The following PSG2 variants were observed in gnomAD, a reference collection of about 807,000 sequenced individuals.
PSG2 encodes the protein pregnancy-specific beta-1-glycoprotein 2.
A neutral mutation model predicts 36.2 loss-of-function variants in PSG2; 49 were observed. That is an observed-to-expected ratio of 1.35 (90% CI 1.08 to 1.72). PSG2 has a LOEUF of 1.72. Ranked by LOEUF, PSG2 falls within the 40% of genes most tolerant of loss-of-function variation. The probability of loss-of-function intolerance (pLI) is 0.00; values close to 1 mark genes in which losing one functional copy is unlikely to be tolerated. For synonymous variants in PSG2, 261 were observed against 155.6 expected, an observed-to-expected ratio of 1.68 and a Z score of -5.04; for missense variants, 605 against 407.2, an observed-to-expected ratio of 1.49 and a Z score of -4.18.
chr19:43,077,806 C>G (rs1967918739), intron 2 of PSG2, among the ~76,000 whole-genome samples: 1 of 151,750 alleles, frequency 6.6e-6, no homozygotes, highest in African/African-American at 2.4e-5. Flanking sequence ...TTTTCTTCCC[C>G]ACTCTTCTTG....
intron 4 of PSG2, among the ~76,000 whole-genome samples, chr19:43,071,130 C>G (rs547574339): frequency 6.6e-6 from 1 of 151,422 alleles, no homozygotes; most frequent in Non-Finnish European, 1.5e-5. Context: ...TAGCGAAATT[C>G]AGGACAGTCC....
chr19:43,081,397 AC>A (rs1967973482), intron 1 of PSG2, 151 bp from the exon 2 acceptor site: 21 of 1,179,414 alleles, frequency 1.8e-5, no homozygotes, highest in African/African-American at 3.6e-5. Context: ...ACACACACAC[AC>A]AAAAGGGGCA....
At chr19:43,067,653 A>T (rs1599704350) in intron 4 of PSG2, among the ~76,000 whole-genome samples, 1 of 150,470 alleles carries the variant, frequency 6.6e-6, no homozygotes, top group South Asian at 2.1e-4. Context: ...TGACAGGGGG[A>T]TCTGAGATTT....
intron 3 of PSG2, among the ~76,000 whole-genome samples, chr19:43,073,600 C>T (rs930150817): frequency 2.0e-5 from 3 of 151,622 alleles, no homozygotes; most frequent in South Asian, 2.1e-4. Flanking sequence ...TCCCTGGGTT[C>T]GACTACTCTA....
At position 43,075,400 on chromosome 19, in the gene PSG2, G is replaced by C; in HGVS notation, c.663C>G (p.Asn221Lys). Residue 221 changes from asparagine to lysine, a missense_variant, in exon 3 of 6, where the codon AAC (asparagine) becomes AAG (lysine). By Grantham distance (94) the Asn-to-Lys change is moderately conservative. Coordinates refer to ENST00000406487, the MANE Select transcript of PSG2 (RefSeq NM_031246.4). ...TAGPYECEIR[N>K]SGSASRSDPV... is the part of the protein sequence containing the mutation. Reference sequence around the variant, plus strand: ...GGTCACTGCGGCTGGCACTCCCTGAGTTCCGTATTTCACATTCATAGGGTC... The same window carrying C: ...GGTCACTGCGGCTGGCACTCCCTGACTTCCGTATTTCACATTCATAGGGTC... The C allele has an allele frequency of 6.2e-7, 1 of 1,613,138 alleles. No individual in the cohort carries two copies.
chr19:43,077,133 C>A (rs975382371), intron 2 of PSG2, among the ~76,000 whole-genome samples: 4 of 151,512 alleles, frequency 2.6e-5, no homozygotes, highest in Non-Finnish European at 5.9e-5. Context: ...ACTGATGATC[C>A]AAACATCTAA....
chr19:43,077,794 C>A lies in PSG2; in HGVS notation c.431-2162G>T, dbSNP rs189407351. 5.3e-4 allele frequency among the ~76,000 whole-genome samples: 80 copies of A among 151,930 alleles called. 1 individual carries two copies. Among genetic ancestry groups the A allele is most frequent in the Admixed American group, 5.1e-3 (78 of 15,264 alleles). On this transcript the variant is annotated intron_variant, in intron 2 of 5. Transcript: ENST00000406487. The stretch of plus-strand genomic sequence containing the variant: ...ATATGAAGTTGAATCAGTTGTTCCA[C>A]TTTTTCTTCCCCACTCTTCTTGAAC...
Position 43,075,340 on chromosome 19 carries a change from C to G in PSG2, c.709+14G>C, listed in dbSNP as rs760876253. 4 of 1,613,048 alleles carry G rather than the reference C, an allele frequency of 2.5e-6. No homozygotes were observed. The highest frequency in any genetic ancestry group is 2.2e-5 in the East Asian group (1 of 44,886). ...GATGGCAGTCTGGCCCACAGAGGAA[C>G]AGAAGATACTCACGGAGGAGATTCA... is the stretch of plus-strand genomic sequence containing the variant. On this transcript the variant is annotated intron_variant, in intron 3 of 5. Transcript: ENST00000406487.
rs200103965 is a variant in PSG2 at position 43,075,360 on chromosome 19, G to C, written c.703C>G (p.Leu235Val). 241 of 1,613,132 alleles carry C rather than the reference G, an allele frequency of 1.5e-4. 3 individuals are homozygous for C. Among genetic ancestry groups the C allele is most frequent in the Non-Finnish European group, 2.0e-4 (233 of 1,179,604 alleles). ...AGGAACAGAAGATACTCACGGAGGAGATTCAGGGTGACTGGGTCACTGCGG... is the reference window on the plus strand; with the variant it reads ...AGGAACAGAAGATACTCACGGAGGACATTCAGGGTGACTGGGTCACTGCGG... ...ASRSDPVTLN[L>V]LHGPDLPRIH... Residue 235 changes from leucine to valine, a missense_variant, in exon 3 of 6, where the codon CTC becomes GTC. Physicochemically the swap from Leu to Val is conservative, Grantham distance 32. Coordinates refer to ENST00000406487, the MANE Select transcript of PSG2 (RefSeq NM_031246.4).
At chr19:43,069,902 C>T (rs897398228) in intron 4 of PSG2, among the ~76,000 whole-genome samples, 2 of 151,596 alleles carry the variant, frequency 1.3e-5, no homozygotes, top group African/African-American at 2.4e-5. Flanking sequence ...AAAAAGGCAA[C>T]CCATGAAATG....
In PSG2 at chr19:43,071,869, A is replaced by G. The variant is rs1233782094; in HGVS notation, c.795T>C (p.Ser265=). 6.2e-7 allele frequency: 1 copy of G among 1,613,162 alleles called. No homozygotes were observed. ...DNLYLSCFAN[S]NPPAQYSWTI... is the part of the protein sequence containing the mutation. ...TCCAAGAATACTGTGCCGGTGGGTT[A>G]GAGTTCGCGAAGCAAGACAAGTAGA... The change falls in exon 4 of 6, where the codon TCT becomes TCC. Residue 265 remains serine (S), a synonymous_variant. Transcript: ENST00000406487.
Position 43,082,598 on chromosome 19 carries a change from G to A in PSG2, c.-29C>T, listed in dbSNP as rs1599713012. The A allele has an allele frequency of 6.2e-7, 1 of 1,608,952 alleles. No homozygotes were observed. On this transcript the variant is annotated 5_prime_UTR_variant, in exon 1 of 6. Transcript: ENST00000406487. The stretch of plus-strand genomic sequence containing the variant: ...CTCTGCTGCCTGTGTGTTCTCCTCT[G>A]TGGAGATGAGCCTAGGATCCAGAAA...
intron 2 of PSG2, among the ~76,000 whole-genome samples, chr19:43,078,151 TG>T (rs1241049727): frequency 1.3e-5 from 2 of 151,790 alleles, no homozygotes; most frequent in Non-Finnish European, 2.9e-5. Context: ...TCAGGCTGGC[TG>T]TCCTCACTTA....
At chr19:43,082,017 C>G (rs1967984073) in intron 1 of PSG2, 1 of 154,554 alleles carries the variant, frequency 6.5e-6, no homozygotes, top group South Asian at 1.9e-4. Context: ...CTTACCAATT[C>G]CAGTTCAATG....
chr19:43,078,069 C>T (rs1015332919), intron 2 of PSG2, among the ~76,000 whole-genome samples: 3 of 151,660 alleles, frequency 2.0e-5, no homozygotes, highest in African/African-American at 7.3e-5. Context: ...CCTCTGACAC[C>T]CTGGTGAGTC....
intron 2 of PSG2, among the ~76,000 whole-genome samples, 178 bp downstream of exon 2, chr19:43,080,703 A>T (rs574858545): frequency 1.3e-5 from 2 of 151,664 alleles, no homozygotes; most frequent in East Asian, 3.9e-4. Context: ...CGGGAAAGGA[A>T]TTCTGATCTG....
chr19:43,075,087 C>T (rs1479123158), intron 3 of PSG2, among the ~76,000 whole-genome samples: 1 of 151,812 alleles, frequency 6.6e-6, no homozygotes, highest in African/African-American at 2.4e-5. Flanking sequence ...GCTGTGTTCA[C>T]TGATCTGGAG....
Position 43,072,273 on chromosome 19 carries a change from G to A in PSG2, c.710-319C>T, listed in dbSNP as rs554731233. ...AAGTAAAGTTGTCTATACTTGGACCGGAGAGAGACTGAGAGGCCTGGCCCC... is the reference window on the plus strand; with the variant it reads ...AAGTAAAGTTGTCTATACTTGGACCAGAGAGAGACTGAGAGGCCTGGCCCC... On this transcript the variant is annotated intron_variant, in intron 3 of 5. Coordinates refer to ENST00000406487, the MANE Select transcript of PSG2 (RefSeq NM_031246.4). 602 of 1,582,540 alleles carry A rather than the reference G, an allele frequency of 3.8e-4. 9 individuals are homozygous for A. The highest frequency in any genetic ancestry group is 6.0e-4 in the Admixed American group (35 of 58,640).
chr19:43,072,399 C>G lies in PSG2; in HGVS notation c.710-445G>C, dbSNP rs530782716. On this transcript the variant is annotated intron_variant, in intron 3 of 5. Coordinates refer to ENST00000406487, the MANE Select transcript of PSG2 (RefSeq NM_031246.4). ...TCACTGTGGATGCCACCATATCGGT[C>G]CCGTATTTCACATTCATAGGGTCCT... 359 of 1,612,606 alleles carry G rather than the reference C, an allele frequency of 2.2e-4. 7 individuals are homozygous for G. Among genetic ancestry groups the G allele is most frequent in the Admixed American group, 7.8e-4 (47 of 59,952 alleles).
Sources: allele counts gnomAD v4.1 joint callset (sites outside exome capture counted in the v4.1 genomes callset), GRCh38; gene constraint gnomAD v4.1.1; transcripts MANE v1.5; gene names NCBI Gene and HGNC (gene_info 2026-07-23, HGNC 2026-07-21).